Variants in RBBP5 observed in about 807,000 individuals in gnomAD.
The protein encoded by RBBP5 is RB binding protein 5, histone lysine methyltransferase complex subunit.
RBBP5 carries 5 observed loss-of-function variants against 72.2 expected under a neutral mutation model. The observed-to-expected ratio is 0.07, with a 90% CI of 0.04 to 0.15. The LOEUF (loss-of-function observed/expected upper bound fraction) is 0.15, where lower values mean the gene tolerates loss of function less well. Ranked by LOEUF, RBBP5 falls within the 10% of genes least tolerant of loss-of-function variation. The pLI is 1.00. For synonymous variants in RBBP5, 209 were observed against 237.2 expected (o/e 0.88, Z 1.09); for missense variants, 322 against 652.2 (o/e 0.49, Z 5.51).
intron 13 of RBBP5, among the ~76,000 whole-genome samples, chr1:205,090,597 G>A (rs1040360682): frequency 1.3e-5 from 2 of 152,160 alleles, no homozygotes; most frequent in African/African-American, 4.8e-5. Context: ...AAGACCTGAC[G>A]CAGCAACTGC....
At chr1:205,096,453 G>A (rs1215263805) in intron 12 of RBBP5, among the ~76,000 whole-genome samples, 1 of 152,164 alleles carries the variant, frequency 6.6e-6, no homozygotes, top group Non-Finnish European at 1.5e-5. Context: ...GCTGTCAGAA[G>A]AATTAAAGTG....
intron 3 of RBBP5, among the ~76,000 whole-genome samples, chr1:205,108,958 A>G (rs1479779583): frequency 6.6e-6 from 1 of 152,232 alleles, no homozygotes; most frequent in Non-Finnish European, 1.5e-5. Context: ...TGCCTGGTAC[A>G]TAATAAGTGC....
rs1354604792 is a variant in RBBP5 at position 205,099,839 on chromosome 1, C to T, written c.907-27G>A. 1 of 1,613,422 alleles carries T rather than the reference C, an allele frequency of 6.2e-7. No homozygotes were observed. The highest frequency in any genetic ancestry group is 1.7e-5 in the Admixed American group (1 of 59,930). ...TAAATTTTAGTGAAGGAAAGAAAAA[C>T]AGGTTGTTAAGAACAGATTTTAGAT... On this transcript the variant is annotated intron_variant, in intron 8 of 13. Transcript: ENST00000264515. The surrounding 1 kb of genome is among the most constrained non-coding windows in gnomAD (Gnocchi z 4.7).
intron 10 of RBBP5, among the ~76,000 whole-genome samples, chr1:205,098,540 A>C (rs909985889): frequency 4.6e-5 from 7 of 152,098 alleles, no homozygotes; most frequent in Non-Finnish European, 1.0e-4. Context: ...AGAAAAAAGA[A>C]GGCCAGGCAC....
intron 12 of RBBP5, 49 bp downstream of exon 12, chr1:205,096,633 A>G: frequency 6.5e-7 from 1 of 1,544,904 alleles, no homozygotes; most frequent in Non-Finnish European, 8.9e-7. Context: ...CTGGGGAGTG[A>G]GTAGAAAGTG....
chr1:205,088,843 C>T, intron 13 of RBBP5, 28 bp from the exon 14 acceptor site: 1 of 1,552,056 alleles, frequency 6.4e-7, no homozygotes, highest in Non-Finnish European at 8.7e-7. Context: ...AAAAAGATTT[C>T]TTTTAGCTTC....
At position 205,088,695 on chromosome 1, in the gene RBBP5, TTTAAA is replaced by T. The variant is rs1655219884; in HGVS notation, c.*87_*91del. On this transcript the variant is annotated 3_prime_UTR_variant, in exon 14 of 14. Transcript: ENST00000264515. ...CTGGGTGGGAGGCACAGGCCTTTGT[TTTAAA>T]TTAAAGTCAATTTTCAAATGACTGA... 1.4e-6 allele frequency: 2 copies of T among 1,388,022 alleles called. No individual in the cohort carries two copies. Among genetic ancestry groups the T allele is most frequent in the Non-Finnish European group, 2.0e-6 (2 of 1,002,428 alleles). The allele number at this position is 1,388,022 out of a possible 1,614,324, so 86.0% of individuals were successfully genotyped here.
At position 205,100,078 on chromosome 1, in the gene RBBP5, A is replaced by G. The variant is rs766746829; in HGVS notation, c.753-14T>C. ...TTCCATGGGGTCCTAAAGGACAAGGAAAGTACCAAGGAGAGCTGGAACTCA... is the reference window on the plus strand; with the variant it reads ...TTCCATGGGGTCCTAAAGGACAAGGGAAGTACCAAGGAGAGCTGGAACTCA... On this transcript the variant is annotated splice_polypyrimidine_tract_variant and intron_variant, in intron 7 of 13. Coordinates refer to ENST00000264515, the MANE Select transcript of RBBP5 (RefSeq NM_005057.4). The G allele has an allele frequency of 6.8e-6, 11 of 1,613,686 alleles. No homozygotes were observed. Among genetic ancestry groups the G allele is most frequent in the African/African-American group, 1.3e-5 (1 of 74,946 alleles).
chr1:205,100,765 G>T (rs1655787735), intron 6 of RBBP5, among the ~76,000 whole-genome samples: 1 of 152,066 alleles, frequency 6.6e-6, no homozygotes, highest in Admixed American at 6.6e-5. Context: ...AGAGAATTTT[G>T]AACATTAATA....
At chr1:205,098,539 AAGGCCAGGCACAGTGGTTCAT>A (rs1655700772) in intron 10 of RBBP5, among the ~76,000 whole-genome samples, 1 of 152,128 alleles carries the variant, frequency 6.6e-6, no homozygotes, top group South Asian at 2.1e-4. Context: ...AAGAAAAAAG[AAGGCCAGGCACAGTGGTTCAT>A]AGGCCAGGCA....
At chr1:205,109,741 C>A (rs142330468) in intron 3 of RBBP5, among the ~76,000 whole-genome samples, 2 of 152,072 alleles carry the variant, frequency 1.3e-5, no homozygotes, top group Non-Finnish European at 2.9e-5. Flanking sequence ...AATTCCATAA[C>A]CTCAAGAATT....
chr1:205,090,643 G>C (rs1445805926), intron 13 of RBBP5, among the ~76,000 whole-genome samples: 1 of 152,112 alleles, frequency 6.6e-6, no homozygotes, highest in Non-Finnish European at 1.5e-5. Flanking sequence ...ACAACATAAA[G>C]GAAATCTCCA....
chr1:205,114,731 AATAT>A (rs1656455669), intron 3 of RBBP5, 54 bp downstream of exon 3: 3 of 1,370,302 alleles, frequency 2.2e-6, no homozygotes, highest in Non-Finnish European at 2.0e-6. Context: ...GAGATTTGCA[AATAT>A]ATAGTCATCA....
intron 1 of RBBP5, among the ~76,000 whole-genome samples, chr1:205,121,384 T>C (rs954260296): frequency 5.9e-5 from 9 of 152,348 alleles, no homozygotes; most frequent in African/African-American, 2.2e-4. Context: ...GCCATTACCC[T>C]CTGAGCCTTT....
intron 13 of RBBP5, among the ~76,000 whole-genome samples, chr1:205,093,801 CAAT>C (rs1274390200): frequency 6.6e-6 from 1 of 151,804 alleles, no homozygotes; most frequent in Admixed American, 6.6e-5. Flanking sequence ...TGTTTACAGA[CAAT>C]GATTAAATGA....
chr1:205,105,325 C>T (rs1480822216), intron 3 of RBBP5, among the ~76,000 whole-genome samples, 157 bp from the exon 4 acceptor site: 1 of 152,082 alleles, frequency 6.6e-6, no homozygotes, highest in Non-Finnish European at 1.5e-5. Flanking sequence ...GCTTTTCCAA[C>T]TAGGCAATTA....
chr1:205,095,193 G>A, intron 12 of RBBP5, 129 bp from the exon 13 acceptor site: 1 of 907,266 alleles, frequency 1.1e-6, no homozygotes, highest in South Asian at 1.8e-5. Flanking sequence ...AGAAAAGTTT[G>A]TCTTATTTCT....
chr1:205,101,335 A>G (rs945463876), intron 6 of RBBP5, among the ~76,000 whole-genome samples: 1 of 152,206 alleles, frequency 6.6e-6, no homozygotes, highest in African/African-American at 2.4e-5. Flanking sequence ...AGTGCTTACT[A>G]TATGCCAGGC....
chr1:205,118,850 A>C (rs1229063978), intron 1 of RBBP5, among the ~76,000 whole-genome samples: 1 of 152,212 alleles, frequency 6.6e-6, no homozygotes, highest in Admixed American at 6.5e-5. Context: ...GGGACTCAAA[A>C]AGTGGTTGCA....
Sources: allele counts gnomAD v4.1 joint callset (sites outside exome capture counted in the v4.1 genomes callset), GRCh38; gene constraint gnomAD v4.1.1; non-coding constraint Gnocchi (gnomAD v3.1); transcripts MANE v1.5; gene names NCBI Gene and HGNC (gene_info 2026-07-23, HGNC 2026-07-21).